TUB: variants seen among roughly 807,000 people sequenced by gnomAD.
TUB encodes TUB bipartite transcription factor.
Under a neutral mutation model 59.7 loss-of-function variants are expected in TUB, and 33 were observed. The observed-to-expected ratio is 0.55, with a 90% confidence interval of 0.42 to 0.74. The LOEUF (loss-of-function observed/expected upper bound fraction) is 0.74. Among genes scored for constraint, TUB ranks in the 30% least tolerant of loss-of-function variants. TUB has a pLI of 0.00. For missense variants in TUB, 659 were observed against 672.0 expected (o/e 0.98, Z 0.21); for synonymous variants, 293 against 256.4 (o/e 1.14, Z -1.36).
At chr11:8,084,069 G>A (rs1943622219) in intron 1 of TUB, among the ~76,000 whole-genome samples, 1 of 152,202 alleles carries the variant, frequency 6.6e-6, no homozygotes, top group African/African-American at 2.4e-5. Context: ...GCATGCACGT[G>A]CTTTGACTGG....
chr11:8,065,286 G>C (rs1392252704), intron 2 of TUB, among the ~76,000 whole-genome samples: 2 of 152,180 alleles, frequency 1.3e-5, no homozygotes, highest in African/African-American at 2.4e-5. Context: ...CTCATTCCTG[G>C]CCTGCTCCCC....
At chr11:8,071,443 A>C (rs889781389) in intron 2 of TUB, among the ~76,000 whole-genome samples, 2 of 152,112 alleles carry the variant, frequency 1.3e-5, no homozygotes, top group Non-Finnish European at 2.9e-5. Flanking sequence ...AGGCCAAGGA[A>C]ATTGGGAAGG....
chr11:8,063,972 T>C lies in TUB; in HGVS notation c.203+24280T>C, dbSNP rs113370985. 1.4e-3 allele frequency among the ~76,000 whole-genome samples: 220 copies of C among 152,310 alleles called. 1 individual carries two copies. The highest frequency in any genetic ancestry group is 4.1e-3 in the African/African-American group (170 of 41,582). ...GCCGTTGTTTCAATGATTGGTGACA[T>C]TGGACATTCTCTGAAGGACTTTGAG... is the stretch of plus-strand genomic sequence containing the variant. On this transcript the variant is annotated intron_variant, in intron 2 of 12. Coordinates refer to the TUB transcript ENST00000305253.
chr11:8,074,272 T>G (rs1252951902), intron 2 of TUB, among the ~76,000 whole-genome samples: 1 of 152,036 alleles, frequency 6.6e-6, no homozygotes, highest in African/African-American at 2.4e-5. Context: ...CCACCTGGAA[T>G]GGAGGATGTG....
rs553571310 is a variant in TUB at position 8,056,312 on chromosome 11, G to A, written c.203+16620G>A. On this transcript the variant is annotated intron_variant, in intron 2 of 12. Transcript: ENST00000305253. ...TGGCTGGGGTCTCCTGTCCTGGAAT[G>A]TGCGGCCATATGGGAATGCCTTGAG... is the stretch of plus-strand genomic sequence containing the variant. Among the ~76,000 whole-genome samples, 7 of 152,316 alleles carry A rather than the reference G, an allele frequency of 4.6e-5. No individual in the cohort carries two copies. The East Asian group carries it at 1.2e-3, about 25-fold the overall frequency.
chr11:8,106,084 TTGAATAAACTTTG>T lies in TUB; in HGVS notation c.*4466_*4478del, dbSNP rs1328628424. On this transcript the variant is annotated 3_prime_UTR_variant, in exon 12 of 12. Transcript: ENST00000299506. The stretch of plus-strand genomic sequence containing the variant: ...GCAAAACTGTGCTTTTATTGACTTT[TTGAATAAACTTTG>T]GTATTCTGGAGCAAATGTATTTATT... 1 of 152,246 alleles carries T rather than the reference TTGAATAAACTTTG, an allele frequency of 6.6e-6. No homozygotes were observed. The highest frequency in any genetic ancestry group is 1.9e-4 in the East Asian group (1 of 5,200). The allele number at this position is 152,246 out of a possible 1,614,324, so 9.4% of individuals were successfully genotyped here. A position where few individuals can be genotyped will look rare whatever the true frequency, so the allele number is the denominator to read the frequency against.
chr11:8,044,173 T>C (rs1283278064), intron 2 of TUB, among the ~76,000 whole-genome samples: 1 of 152,220 alleles, frequency 6.6e-6, no homozygotes, highest in African/African-American at 2.4e-5. Flanking sequence ...TAATATTTTT[T>C]CTGACTTTTC....
intron 4 of TUB, among the ~76,000 whole-genome samples, chr11:8,094,742 C>T (rs938753855): frequency 2.0e-5 from 3 of 152,228 alleles, no homozygotes; most frequent in Admixed American, 6.5e-5. Context: ...CGGTACCTGC[C>T]CCAGGTCCTG....
At chr11:8,060,965 G>A (rs1040479551) in intron 2 of TUB, among the ~76,000 whole-genome samples, 1 of 152,208 alleles carries the variant, frequency 6.6e-6, no homozygotes, top group African/African-American at 2.4e-5. Context: ...GCCTAGCTGC[G>A]GGTGATTTCA....
chr11:8,035,184 A>G (rs531631326), upstream of TUB, among the ~76,000 whole-genome samples: 5 of 152,376 alleles, frequency 3.3e-5, no homozygotes, highest in East Asian at 9.6e-4. Flanking sequence ...TTTTAAATCA[A>G]AATGAATGCA....
intron 2 of TUB, among the ~76,000 whole-genome samples, chr11:8,066,260 C>T (rs1323317708): frequency 6.6e-6 from 1 of 152,210 alleles, no homozygotes; most frequent in African/African-American, 2.4e-5. Context: ...ACTTGGCACA[C>T]AGCATGACAG....
At chr11:8,055,000 C>A (rs993820804) in intron 2 of TUB, among the ~76,000 whole-genome samples, 1 of 152,122 alleles carries the variant, frequency 6.6e-6, no homozygotes, top group Non-Finnish European at 1.5e-5. Context: ...CATGACTAAC[C>A]CAAGTCTGGA....
upstream of TUB, among the ~76,000 whole-genome samples, chr11:8,080,731 C>T (rs1943533678): frequency 6.6e-6 from 1 of 152,212 alleles, no homozygotes; most frequent in Non-Finnish European, 1.5e-5. Flanking sequence ...TGAGGAAACA[C>T]CTCCTTAACC....
At chr11:8,047,501 A>C (rs1942853232) in intron 2 of TUB, among the ~76,000 whole-genome samples, 1 of 152,114 alleles carries the variant, frequency 6.6e-6, no homozygotes, top group Admixed American at 6.5e-5. Flanking sequence ...GAAGGAATGG[A>C]GGTGTGGAGC....
At chr11:8,058,041 T>C (rs528006055) in intron 2 of TUB, among the ~76,000 whole-genome samples, 258 of 151,538 alleles carry the variant, frequency 1.7e-3, no homozygotes, top group African/African-American at 5.9e-3. Flanking sequence ...GAGACCCCCA[T>C]CTCTACAAAA....
chr11:8,066,610 C>T (rs1156651472), intron 2 of TUB, among the ~76,000 whole-genome samples: 1 of 152,196 alleles, frequency 6.6e-6, no homozygotes, highest in Non-Finnish European at 1.5e-5. Flanking sequence ...TGGGGCAACA[C>T]CGCTCAGCAG....
intron 3 of TUB, among the ~76,000 whole-genome samples, chr11:8,092,626 G>A (rs148467684): frequency 1.5e-4 from 23 of 152,224 alleles, no homozygotes; most frequent in Non-Finnish European, 2.2e-4. Flanking sequence ...GGGCCTCCAC[G>A]ACCTTTTTCA....
intron 1 of TUB, among the ~76,000 whole-genome samples, chr11:8,029,742 G>A (rs1366258894): frequency 6.6e-6 from 1 of 152,034 alleles, no homozygotes; most frequent in Non-Finnish European, 1.5e-5. Flanking sequence ...CTATGGCCTC[G>A]GTGTGTGTTC....
chr11:8,092,671 G>C (rs1943816636), intron 3 of TUB, among the ~76,000 whole-genome samples: 2 of 152,270 alleles, frequency 1.3e-5, no homozygotes, highest in African/African-American at 4.8e-5. Flanking sequence ...TTTGATTTCT[G>C]GGAGGTGCCT....
Sources: gnomAD v4.1 joint callset for allele counts (sites outside exome capture counted in the v4.1 genomes callset) on GRCh38, gnomAD v4.1.1 for gene constraint, MANE v1.5 for transcripts, NCBI Gene and HGNC (gene_info 2026-07-23, HGNC 2026-07-21) for gene names.